PGCKA1: variants seen among roughly 807,000 people sequenced by gnomAD.
The protein encoded by PGCKA1 is PDCD10 and GCKIII kinases associated 1.
At chr4:37,475,122 G>C in the PGCKA1 span, among the ~76,000 whole-genome samples, 3,094 of 152,196 alleles carry the variant, frequency 0.02, 107 homozygotes, top group African/African-American at 0.071. Context: ...GAGTTTTCCA[G>C]ATACTGTTAG....
the PGCKA1 span, among the ~76,000 whole-genome samples, chr4:37,580,798 T>A: frequency 6.6e-6 from 1 of 152,182 alleles, no homozygotes; most frequent in Non-Finnish European, 1.5e-5. Context: ...GGCTCTACAA[T>A]CAACAGGTGC....
the PGCKA1 span, chr4:37,557,917 T>G: frequency 6.6e-6 from 1 of 152,220 alleles, no homozygotes; most frequent in Non-Finnish European, 1.5e-5. Context: ...CCCACATTAC[T>G]GCCCAGTGCC....
At chr4:37,469,857 C>T in the PGCKA1 span, among the ~76,000 whole-genome samples, 1 of 152,328 alleles carries the variant, frequency 6.6e-6, no homozygotes, top group South Asian at 2.1e-4. Flanking sequence ...TTCTCCATAA[C>T]TTGACCCTTC....
At chr4:37,548,270 G>A in the PGCKA1 span, among the ~76,000 whole-genome samples, 1 of 152,110 alleles carries the variant, frequency 6.6e-6, no homozygotes, top group Non-Finnish European at 1.5e-5. Flanking sequence ...TGTGCAAGGT[G>A]TATAAAGTAA....
chr4:37,509,215 G>A, the PGCKA1 span, among the ~76,000 whole-genome samples: 2 of 145,584 alleles, frequency 1.4e-5, no homozygotes, highest in African/African-American at 5.2e-5. Context: ...ACGGGGTGGC[G>A]GCCAGGCAGA....
At chr4:37,533,078 A>G in the PGCKA1 span, among the ~76,000 whole-genome samples, 1 of 152,160 alleles carries the variant, frequency 6.6e-6, no homozygotes, top group Non-Finnish European at 1.5e-5. Flanking sequence ...ACCAGATACC[A>G]CCTGTACACC....
chr4:37,483,984 C>G, the PGCKA1 span, among the ~76,000 whole-genome samples: 3 of 152,166 alleles, frequency 2.0e-5, no homozygotes, highest in South Asian at 4.2e-4. Context: ...GTTCATGGAT[C>G]ATTCTGCTTT....
At chr4:37,488,817 T>G in the PGCKA1 span, among the ~76,000 whole-genome samples, 1 of 152,260 alleles carries the variant, frequency 6.6e-6, no homozygotes, top group South Asian at 2.1e-4. Context: ...CCTATCAACA[T>G]AACCTAACAA....
chr4:37,501,295 G>C, the PGCKA1 span, among the ~76,000 whole-genome samples: 1 of 152,132 alleles, frequency 6.6e-6, no homozygotes, highest in Non-Finnish European at 1.5e-5. Flanking sequence ...TGGTGGGCAG[G>C]TGAGCGAGCA....
At chr4:37,511,172 C>T in the PGCKA1 span, among the ~76,000 whole-genome samples, 2 of 152,116 alleles carry the variant, frequency 1.3e-5, no homozygotes, top group African/African-American at 4.8e-5. Context: ...ATCAGGGGCC[C>T]TAAGAGCCCA....
chr4:37,526,662 A>T, the PGCKA1 span, among the ~76,000 whole-genome samples: 1 of 152,182 alleles, frequency 6.6e-6, no homozygotes, highest in Non-Finnish European at 1.5e-5. Context: ...GCCTAGTGAC[A>T]TCATAGCACA....
the PGCKA1 span, among the ~76,000 whole-genome samples, chr4:37,493,084 A>G: frequency 7.2e-5 from 11 of 152,160 alleles, no homozygotes; most frequent in African/African-American, 4.8e-5. Context: ...ATATATGTAT[A>G]TATGTATTTA....
At chr4:37,579,094 G>C in the PGCKA1 span, among the ~76,000 whole-genome samples, 2 of 151,864 alleles carry the variant, frequency 1.3e-5, no homozygotes, top group Non-Finnish European at 2.9e-5. Flanking sequence ...ATTTTAATTT[G>C]ATAACAACTT....
At chr4:37,590,402 C>A in the PGCKA1 span, 1 of 1,613,664 alleles carries the variant, frequency 6.2e-7, no homozygotes, top group Non-Finnish European at 8.5e-7. Flanking sequence ...TCCAGCCCCA[C>A]CCAGGATGAC....
the PGCKA1 span, among the ~76,000 whole-genome samples, chr4:37,579,703 T>C: frequency 6.6e-6 from 1 of 152,192 alleles, no homozygotes. Flanking sequence ...TCAGGATCCT[T>C]TCTTTATCCT....
the PGCKA1 span, among the ~76,000 whole-genome samples, chr4:37,557,042 C>T: frequency 9.1e-4 from 139 of 152,160 alleles, no homozygotes; most frequent in Non-Finnish European, 1.5e-3. Flanking sequence ...CTCATTATCT[C>T]GATATACAGT....
chr4:37,496,709 T>C, the PGCKA1 span, among the ~76,000 whole-genome samples: 1 of 152,148 alleles, frequency 6.6e-6, no homozygotes, highest in Admixed American at 6.5e-5. Context: ...GGCCATTTTA[T>C]TGGTTCTTCC....
At chr4:37,537,213 T>C in the PGCKA1 span, among the ~76,000 whole-genome samples, 1 of 152,230 alleles carries the variant, frequency 6.6e-6, no homozygotes, top group Non-Finnish European at 1.5e-5. Flanking sequence ...GAATTTCCCT[T>C]AAATAATTGC....
the PGCKA1 span, among the ~76,000 whole-genome samples, chr4:37,577,497 T>C: frequency 2.0e-5 from 3 of 148,102 alleles, no homozygotes; most frequent in Admixed American, 6.6e-5. Flanking sequence ...GCCAGTTTTG[T>C]TATCTTTTCA....
Sources: gnomAD v4.1 joint callset for allele counts (sites outside exome capture counted in the v4.1 genomes callset) on GRCh38, gnomAD v4.1.1 for gene constraint, MANE v1.5 for transcripts, NCBI Gene and HGNC (gene_info 2026-07-23, HGNC 2026-07-21) for gene names.